RAP1GAP: variants seen among roughly 807,000 people sequenced by gnomAD.
The protein encoded by RAP1GAP is RAP1 GTPase activating protein, also known as rap1 GTPase-activating protein 1.
A neutral mutation model predicts 87.2 loss-of-function variants in RAP1GAP; 35 were observed. The observed-to-expected ratio is 0.40, with a 90% CI of 0.31 to 0.53. The LOEUF (loss-of-function observed/expected upper bound fraction) is 0.53, where lower values mean the gene tolerates loss of function less well. Ranked by LOEUF, RAP1GAP falls within the 20% of genes least tolerant of loss-of-function variation. The probability of loss-of-function intolerance (pLI) is 0.48; values close to 1 mark genes in which losing one functional copy is unlikely to be tolerated. For missense variants in RAP1GAP, 734 were observed against 898.9 expected (o/e 0.82, Z 2.35); for synonymous variants, 375 against 363.9 (o/e 1.03, Z -0.35).
At chr1:21,665,211 C>A in intron 1 of RAP1GAP, 1 of 511,970 alleles carries the variant, frequency 2.0e-6, no homozygotes, top group Non-Finnish European at 3.9e-6. Context: ...AGGAACTCAC[C>A]AAAAGTTGTA....
chr1:21,603,932 G>A lies in RAP1GAP; in HGVS notation c.1429-1019C>T, dbSNP rs750653004. On this transcript the variant is annotated intron_variant, in intron 18 of 24. Coordinates refer to ENST00000374765, the MANE Select transcript of RAP1GAP (RefSeq NM_002885.4). The surrounding 1 kb of genome is among the most constrained non-coding windows in gnomAD (Gnocchi z 6.0). ...CAATGACTGGCAAGCAGCAGAGGGCGGGGGCAGAGAGAGAGAGACAGAGAG... is the reference window on the plus strand; with the variant it reads ...CAATGACTGGCAAGCAGCAGAGGGCAGGGGCAGAGAGAGAGAGACAGAGAG... 25 of 1,504,940 alleles carry A rather than the reference G, an allele frequency of 1.7e-5. 1 individual carries two copies. The highest frequency in any genetic ancestry group is 2.8e-5 in the African/African-American group (2 of 72,262). The allele number at this position is 1,504,940 out of a possible 1,614,324, so 93.2% of individuals were successfully genotyped here.
Position 21,618,882 on chromosome 1 carries a change from TC to T in RAP1GAP, c.66+142del, listed in dbSNP as rs376967408. The T allele has an allele frequency of 9.9e-4, 935 of 947,012 alleles. 6 individuals are homozygous for T. In the African/African-American group the frequency reaches 0.012, roughly 12 times the overall value. The allele number at this position is 947,012 out of a possible 1,614,324, so 58.7% of individuals were successfully genotyped here. On this transcript the variant is annotated intron_variant, in intron 5 of 24. Transcript: ENST00000374765. ...GGTCTACCCTGCTAGAAGCTGTGCC[TC>T]CCCCCCTACCCCCGCACCTGGCACA...
intron 1 of RAP1GAP, among the ~76,000 whole-genome samples, chr1:21,664,864 A>G (rs2097287626): frequency 6.6e-6 from 1 of 152,038 alleles, no homozygotes; most frequent in African/African-American, 2.4e-5. Context: ...GTGCAGCTTT[A>G]TATTTTTCAA....
At position 21,608,338 on chromosome 1, in the gene RAP1GAP, C is replaced by T. The variant is rs746478048; in HGVS notation, c.1171G>A (p.Ala391Thr). Residue 391 changes from alanine to threonine, a missense_variant, in exon 17 of 25, where the codon GCC (alanine) becomes ACC (threonine). Around this residue, in one of 2 missense-constraint regions of RAP1GAP, gnomAD observed 485 missense variants for 646.2 expected, o/e 0.75. Transcript: ENST00000374765. ...KFAKLEERTR[A>T]ALLETLYEEL... ...TCATAGAGCGTCTCCAGGAGGGCGGCCCGCGTCCGCTCCTGTGGGCCAGGC... is the reference window on the plus strand; with the variant it reads ...TCATAGAGCGTCTCCAGGAGGGCGGTCCGCGTCCGCTCCTGTGGGCCAGGC... 3.7e-6 allele frequency: 6 copies of T among 1,613,034 alleles called. No individual in the cohort carries two copies. Among genetic ancestry groups the T allele is most frequent in the Non-Finnish European group, 5.1e-6 (6 of 1,179,686 alleles).
At chr1:21,663,740 T>C (rs1370563644) in intron 1 of RAP1GAP, among the ~76,000 whole-genome samples, 2 of 152,100 alleles carry the variant, frequency 1.3e-5, no homozygotes, top group African/African-American at 2.4e-5. Flanking sequence ...ACCTTCCCTC[T>C]GCTGCCCCCA....
chr1:21,640,493 T>C (rs2095419524), intron 2 of RAP1GAP, among the ~76,000 whole-genome samples: 1 of 152,222 alleles, frequency 6.6e-6, no homozygotes, highest in Admixed American at 6.5e-5. Flanking sequence ...GATGAAGCTG[T>C]CTCTACAAGG....
Position 21,599,609 on chromosome 1 carries a change from G to T in RAP1GAP, c.1661C>A (p.Thr554Asn). 6.2e-7 allele frequency: 1 copy of T among 1,605,644 alleles called. No individual in the cohort carries two copies. Among genetic ancestry groups the T allele is most frequent in the Non-Finnish European group, 8.5e-7 (1 of 1,179,766 alleles). Residue 554 changes from threonine to asparagine, a missense_variant, in exon 21 of 25, where the codon ACC becomes AAC. Physicochemically the swap from Thr to Asn is moderately conservative, Grantham distance 65 (BLOSUM62 0). This residue lies in a region of RAP1GAP where 249 missense variants were observed against 252.7 expected (regional missense o/e 0.99). Transcript: ENST00000374765. ...EMPTTKNRAETAAQRAEALKD... is the reference protein window; with the variant it reads ...EMPTTKNRAENAAQRAEALKD... ...GAGCGCCTCTGCTCTCTGCGCTGCG[G>T]TCTCCGCTCTGCCACAGACAGTGCC...
rs534275012 is a variant in RAP1GAP, at chr1:21,634,316, T to G, written c.-112-7919A>C. The stretch of plus-strand genomic sequence containing the variant: ...GGGCACCGTTGACCTCTCCTAGGAC[T>G]CTAGAGGGAGCGTGGCGATGGGGTA... On this transcript the variant is annotated intron_variant, in intron 2 of 24. Transcript: ENST00000374765. The surrounding 1 kb of genome is among the most constrained non-coding windows in gnomAD (Gnocchi z 4.1). 4.6e-5 allele frequency among the ~76,000 whole-genome samples: 7 copies of G among 152,202 alleles called. No homozygotes were observed. Among genetic ancestry groups the G allele is most frequent in the Admixed American group, 4.6e-4 (7 of 15,300 alleles).
At chr1:21,617,885 G>A (rs770074985) in intron 6 of RAP1GAP, 49 bp downstream of exon 6, 2 of 1,612,370 alleles carry the variant, frequency 1.2e-6, no homozygotes, top group Non-Finnish European at 1.7e-6. Flanking sequence ...CCCTGTGTAA[G>A]TGCCTCCTGG....
At chr1:21,639,096 C>G (rs1221536589) in intron 2 of RAP1GAP, among the ~76,000 whole-genome samples, 1 of 152,230 alleles carries the variant, frequency 6.6e-6, no homozygotes, top group Non-Finnish European at 1.5e-5. Flanking sequence ...GCCAGGCCAG[C>G]CGGGTTAGCA....
Position 21,649,686 on chromosome 1 carries a change from G to A in RAP1GAP, c.-113+75C>T, listed in dbSNP as rs377134316. The A allele has an allele frequency of 3.9e-5, 58 of 1,471,896 alleles. No homozygotes were observed. The African/African-American group carries it at 6.7e-4, about 17-fold the overall frequency. 91.2% of individuals were successfully genotyped at this position (1,471,896 alleles called of 1,614,324 possible). A position where few individuals can be genotyped will look rare whatever the true frequency, so the allele number is the denominator to read the frequency against. ...TAAGGTCTGGCCTGGCATCGCAGGG[G>A]TAGGAATGGATTGGGGGTATCTGCA... On this transcript the variant is annotated intron_variant, in intron 2 of 24. Coordinates refer to ENST00000374765, the MANE Select transcript of RAP1GAP (RefSeq NM_002885.4).
At chr1:21,656,447 A>AAAAAAAAAAAAAC (rs1558910129) in intron 1 of RAP1GAP, among the ~76,000 whole-genome samples, 1 of 125,774 alleles carries the variant, frequency 8.0e-6, no homozygotes, top group Non-Finnish European at 1.7e-5. Flanking sequence ...AAAAAAAAAA[A>AAAAAAAAAAAAAC]AAAAAAAGAC....
chr1:21,651,363 C>T, intron 1 of RAP1GAP: 2 of 499,528 alleles, frequency 4.0e-6, no homozygotes, highest in Admixed American at 2.1e-5. Context: ...GAACCTCCCC[C>T]TGACCTGCCT....
intron 3 of RAP1GAP, among the ~76,000 whole-genome samples, chr1:21,623,665 G>A (rs2090253484): frequency 6.6e-6 from 1 of 152,252 alleles, no homozygotes; most frequent in Non-Finnish European, 1.5e-5. Context: ...TGGGCCTGGA[G>A]AGCCAGCAGG....
chr1:21,649,901 G>C, intron 1 of RAP1GAP, 105 bp from the exon 2 acceptor site: 1 of 1,208,766 alleles, frequency 8.3e-7, no homozygotes, highest in South Asian at 1.3e-5. Flanking sequence ...CAGAGGGGCT[G>C]GAGAAGGTCC....
Position 21,622,482 on chromosome 1 carries a change from C to G in RAP1GAP, c.-18-2432G>C, listed in dbSNP as rs1425429563. On this transcript the variant is annotated intron_variant, in intron 3 of 24. Transcript: ENST00000374765. The surrounding 1 kb of genome is among the most constrained non-coding windows in gnomAD (Gnocchi z 5.7). The stretch of plus-strand genomic sequence containing the variant: ...GCTGGCCCAGCCGGCTCCTGGCCCG[C>G]GCGCGCCCGGGTCCGGGCCCCGCAG... 30 of 160,558 alleles carry G rather than the reference C, an allele frequency of 1.9e-4. No individual in the cohort carries two copies. Among genetic ancestry groups the G allele is most frequent in the Admixed American group, 1.2e-3 (19 of 15,218 alleles). 9.9% of individuals were successfully genotyped at this position (160,558 alleles called of 1,614,324 possible).
At chr1:21,618,447 C>T (rs1311623118) in intron 5 of RAP1GAP, among the ~76,000 whole-genome samples, 1 of 152,132 alleles carries the variant, frequency 6.6e-6, no homozygotes, top group Non-Finnish European at 1.5e-5. Flanking sequence ...GATCTCTCAC[C>T]AAGAACCATA....
chr1:21,668,206 T>C lies in RAP1GAP; in HGVS notation c.-149+1048A>G, dbSNP rs573101266. Among the ~76,000 whole-genome samples the C allele has an allele frequency of 3.2e-3, 484 of 152,266 alleles. 2 individuals are homozygous for C. Among genetic ancestry groups the C allele is most frequent in the Non-Finnish European group, 3.5e-3 (239 of 68,000 alleles). ...CCAGGAGCCTCCTGAGAGCCTCATA[T>C]GGGGAGGAAGTGGTACCATCTCACC... is the stretch of plus-strand genomic sequence containing the variant. On this transcript the variant is annotated intron_variant, in intron 1 of 24. Coordinates refer to ENST00000374765, the MANE Select transcript of RAP1GAP (RefSeq NM_002885.4). The surrounding 1 kb of genome is among the most constrained non-coding windows in gnomAD (Gnocchi z 6.2).
intron 1 of RAP1GAP, among the ~76,000 whole-genome samples, chr1:21,651,221 A>G (rs1212567730): frequency 2.0e-5 from 3 of 152,188 alleles, no homozygotes; most frequent in Non-Finnish European, 4.4e-5. Flanking sequence ...GGTTCCTGAG[A>G]GCCAGGATGC....
Sources: allele counts gnomAD v4.1 joint callset (sites outside exome capture counted in the v4.1 genomes callset), GRCh38; gene constraint gnomAD v4.1.1; regional missense constraint gnomAD v4.1.1; non-coding constraint Gnocchi (gnomAD v3.1); transcripts MANE v1.5; gene names NCBI Gene and HGNC (gene_info 2026-07-23, HGNC 2026-07-21).